Variants in ATP6V0D2 observed in about 807,000 individuals in gnomAD.
ATP6V0D2 encodes the protein V-type proton ATPase subunit d 2.
Under a neutral mutation model 40.0 loss-of-function variants are expected in ATP6V0D2, and 40 were observed. The ratio of observed to expected loss-of-function variants is 1.00; its 90% CI spans 0.78 to 1.30. The LOEUF (loss-of-function observed/expected upper bound fraction) is 1.30, where lower values mean the gene tolerates loss of function less well. Among genes scored for constraint, ATP6V0D2 ranks in the 50% most tolerant of loss-of-function variants. ATP6V0D2 has a pLI of 0.00. For synonymous variants in ATP6V0D2, 179 were observed against 156.3 expected (o/e 1.15, Z -1.08); for missense variants, 470 against 423.1 (o/e 1.11, Z -0.97).
intron 2 of ATP6V0D2, among the ~76,000 whole-genome samples, chr8:86,123,020 C>T (rs567037452): frequency 6.6e-6 from 1 of 152,294 alleles, no homozygotes; most frequent in South Asian, 2.1e-4. Flanking sequence ...GACGATACCC[C>T]CTCACTTAAT....
intron 1 of ATP6V0D2, among the ~76,000 whole-genome samples, chr8:86,112,918 A>C (rs940015170): frequency 6.6e-6 from 1 of 152,126 alleles, no homozygotes; most frequent in African/African-American, 2.4e-5. Flanking sequence ...AGTCCCACTG[A>C]ACTTCAATTT....
At chr8:86,151,247 G>T (rs190162814) in intron 6 of ATP6V0D2, among the ~76,000 whole-genome samples, 1 of 152,142 alleles carries the variant, frequency 6.6e-6, no homozygotes, top group East Asian at 1.9e-4. Flanking sequence ...TTGCCTTGTA[G>T]CCCTGAACAA....
At chr8:86,134,427 C>T (rs1818869117) in intron 2 of ATP6V0D2, among the ~76,000 whole-genome samples, 1 of 152,162 alleles carries the variant, frequency 6.6e-6, no homozygotes, top group Admixed American at 6.5e-5. Flanking sequence ...TATACCCTTT[C>T]TCCTCTTGAG....
chr8:86,131,664 C>A (rs1052281605), intron 2 of ATP6V0D2, among the ~76,000 whole-genome samples: 2 of 151,698 alleles, frequency 1.3e-5, no homozygotes, highest in Non-Finnish European at 2.9e-5. Context: ...CCACGCCCAG[C>A]TAATTCTTGT....
chr8:86,104,850 T>TACACACACACACACACACACAC (rs146266622), intron 1 of ATP6V0D2, among the ~76,000 whole-genome samples: 131 of 146,074 alleles, frequency 9.0e-4, no homozygotes, highest in Middle Eastern at 3.7e-3. Flanking sequence ...TTAAAACACA[T>TACACACACACACACACACACAC]ACACACACAC....
chr8:86,121,632 G>T (rs1319820158), intron 2 of ATP6V0D2, among the ~76,000 whole-genome samples: 3 of 151,274 alleles, frequency 2.0e-5, no homozygotes, highest in African/African-American at 7.3e-5. Context: ...GGAGAAAGAA[G>T]GAAAAGGAGA....
In ATP6V0D2 at chr8:86,150,097, G is replaced by C; in HGVS notation, c.640-15G>C. 1 of 1,607,202 alleles carries C rather than the reference G, an allele frequency of 6.2e-7. No homozygotes were observed. The highest frequency in any genetic ancestry group is 8.5e-7 in the Non-Finnish European group (1 of 1,175,834). ...CAGTTTATTAGATTTTACTGGTTTT[G>C]TCTTGCAAATTCAGTTTGAGGCCGA... On this transcript the variant is annotated splice_polypyrimidine_tract_variant and intron_variant, in intron 5 of 7. Coordinates refer to ENST00000285393, the MANE Select transcript of ATP6V0D2 (RefSeq NM_152565.1).
chr8:86,134,250 A>G (rs890376119), intron 2 of ATP6V0D2, among the ~76,000 whole-genome samples: 1 of 152,224 alleles, frequency 6.6e-6, no homozygotes, highest in Non-Finnish European at 1.5e-5. Flanking sequence ...AAATCAAGGC[A>G]TTCTAAGATG....
chr8:86,114,490 C>T (rs1347874030), intron 2 of ATP6V0D2, among the ~76,000 whole-genome samples: 6 of 151,826 alleles, frequency 4.0e-5, no homozygotes, highest in South Asian at 2.1e-4. Flanking sequence ...ACCAATATGG[C>T]GAAACCCCAT....
At chr8:86,106,798 G>T (rs550247338) in intron 1 of ATP6V0D2, among the ~76,000 whole-genome samples, 1 of 152,118 alleles carries the variant, frequency 6.6e-6, no homozygotes, top group South Asian at 2.1e-4. Flanking sequence ...CTGCTACATG[G>T]ATCTTAAGTT....
At chr8:86,125,460 T>G (rs563045560) in intron 2 of ATP6V0D2, among the ~76,000 whole-genome samples, 49 of 152,332 alleles carry the variant, frequency 3.2e-4, no homozygotes, top group African/African-American at 1.1e-3. Context: ...AATAAGCACG[T>G]GTGTTTAAAA....
chr8:86,104,874 C>CACACACACAT (rs1325615842), intron 1 of ATP6V0D2, among the ~76,000 whole-genome samples: 1 of 151,828 alleles, frequency 6.6e-6, no homozygotes, highest in African/African-American at 2.4e-5. Context: ...CACACACACA[C>CACACACACAT]ACACATCAAG....
At chr8:86,150,426 GA>G in intron 6 of ATP6V0D2, 138 bp downstream of exon 6, 1 of 894,616 alleles carries the variant, frequency 1.1e-6, no homozygotes, top group Admixed American at 2.8e-5. Flanking sequence ...GTTTCTTGCT[GA>G]AGCAATCTCT....
At chr8:86,147,088 T>C (rs761340736) in intron 5 of ATP6V0D2, among the ~76,000 whole-genome samples, 1 of 152,196 alleles carries the variant, frequency 6.6e-6, no homozygotes, top group African/African-American at 2.4e-5. Flanking sequence ...TCTTCAATCT[T>C]ATGGTTAATA....
Position 86,142,958 on chromosome 8 carries a change from AGAAAGAGTCCTT to A in ATP6V0D2, c.639+8_639+19del, listed in dbSNP as rs780452826. ...AGTTATGTGTCCCATTCTTGAGGTAAGAAAGAGTCCTTGAATTTTGTTATGCTAAATAAGGTG... is the reference window on the plus strand; with the variant it reads ...AGTTATGTGTCCCATTCTTGAGGTAAGAATTTTGTTATGCTAAATAAGGTG... On this transcript the variant is annotated splice_donor_5th_base_variant and intron_variant, in intron 5 of 7. Transcript: ENST00000285393. 1.3e-6 allele frequency: 2 copies of A among 1,599,192 alleles called. No homozygotes were observed. Among genetic ancestry groups the A allele is most frequent in the African/African-American group, 2.7e-5 (2 of 74,528 alleles).
intron 2 of ATP6V0D2, among the ~76,000 whole-genome samples, chr8:86,122,845 T>A (rs979422119): frequency 1.3e-5 from 2 of 152,216 alleles, no homozygotes; most frequent in African/African-American, 4.8e-5. Flanking sequence ...ACATGGCATC[T>A]CTGATATTGC....
chr8:86,116,509 A>T (rs2130242486), intron 2 of ATP6V0D2, among the ~76,000 whole-genome samples: 1 of 152,314 alleles, frequency 6.6e-6, no homozygotes, highest in East Asian at 1.9e-4. Flanking sequence ...CCTGGAAAAC[A>T]TCATACTTTT....
At chr8:86,107,418 C>G (rs1011762685) in intron 1 of ATP6V0D2, among the ~76,000 whole-genome samples, 5 of 152,122 alleles carry the variant, frequency 3.3e-5, no homozygotes, top group Admixed American at 1.3e-4. Flanking sequence ...AAGATCCTGA[C>G]GCTAACACTG....
rs564384965 is a variant in ATP6V0D2 at position 86,115,358 on chromosome 8, A to ATTTTTTTTTTTTTTTTTT, written c.302+1489_302+1506dup. 5.5e-5 allele frequency among the ~76,000 whole-genome samples: 4 copies of ATTTTTTTTTTTTTTTTTT among 73,278 alleles called. 1 individual carries two copies. Among genetic ancestry groups the ATTTTTTTTTTTTTTTTTT allele is most frequent in the African/African-American group, 2.2e-4 (4 of 17,846 alleles). 48.1% of individuals were successfully genotyped at this position (73,278 alleles called of 152,430 possible). ...CTTTCTTTGTCCTTCCGTATCATCC[A>ATTTTTTTTTTTTTTTTTT]TTTTTTTTTTTTTTTTTTTTTTTTT... On this transcript the variant is annotated intron_variant, in intron 2 of 7. Coordinates refer to ENST00000285393, the MANE Select transcript of ATP6V0D2 (RefSeq NM_152565.1).
Sources: gnomAD v4.1 joint callset for allele counts (sites outside exome capture counted in the v4.1 genomes callset) on GRCh38, gnomAD v4.1.1 for gene constraint, MANE v1.5 for transcripts, NCBI Gene and HGNC (gene_info 2026-07-23, HGNC 2026-07-21) for gene names.